The following GLS variants were observed in gnomAD, a reference collection of about 807,000 sequenced individuals.
GLS encodes glutaminase, also known as glutaminase kidney isoform, mitochondrial.
Under a neutral mutation model 86.7 loss-of-function variants are expected in GLS, and 36 were observed. The observed-to-expected ratio is 0.42, with a 90% CI of 0.32 to 0.55. GLS has a LOEUF of 0.55. Ranked by LOEUF, GLS falls within the 20% of genes least tolerant of loss-of-function variation. The pLI is 0.17. For synonymous variants in GLS, 317 were observed against 305.9 expected (o/e 1.04, Z -0.38); for missense variants, 528 against 833.4 (o/e 0.63, Z 4.51).
In GLS at chr2:190,965,533, T is replaced by C. The variant is rs185221390; in HGVS notation, c.*2547T>C. 6.6e-6 allele frequency: 1 copy of C among 152,380 alleles called. No homozygotes were observed. The highest frequency in any genetic ancestry group is 2.4e-5 in the African/African-American group (1 of 41,358). The allele number at this position is 152,380 out of a possible 1,614,324, so 9.4% of individuals were successfully genotyped here. A position where few individuals can be genotyped will look rare whatever the true frequency, so the allele number is the denominator to read the frequency against. ...GTGTTGCTTTTTACAGCATAATAAATATATGTATCAAAAAAAAAACTGTGT... is the reference window on the plus strand; with the variant it reads ...GTGTTGCTTTTTACAGCATAATAAACATATGTATCAAAAAAAAAACTGTGT... On this transcript the variant is annotated 3_prime_UTR_variant, in exon 18 of 18. Coordinates refer to ENST00000320717, the MANE Select transcript of GLS (RefSeq NM_014905.5). The surrounding 1 kb of genome is among the most constrained non-coding windows in gnomAD (Gnocchi z 5.0).
At position 190,965,379 on chromosome 2, in the gene GLS, T is replaced by G. The variant is rs543681256; in HGVS notation, c.*2393T>G. ...TGAATGACCTGATGTCAGATTTAGA[T>G]TCTTCCTGGGGATTACACAGCTATG... On this transcript the variant is annotated 3_prime_UTR_variant, in exon 18 of 18. Transcript: ENST00000320717. The surrounding 1 kb of genome is among the most constrained non-coding windows in gnomAD (Gnocchi z 5.0). 2 of 152,754 alleles carry G rather than the reference T, an allele frequency of 1.3e-5. No individual in the cohort carries two copies. The highest frequency in any genetic ancestry group is 1.5e-5 in the Non-Finnish European group (1 of 68,030). 9.5% of individuals were successfully genotyped at this position (152,754 alleles called of 1,614,324 possible). A position where few individuals can be genotyped will look rare whatever the true frequency, so the allele number is the denominator to read the frequency against.
intron 9 of GLS, 88 bp from the exon 10 acceptor site, chr2:190,923,829 T>C (rs2124900757): frequency 1.3e-6 from 1 of 798,900 alleles, no homozygotes; most frequent in Non-Finnish European, 2.2e-6. Flanking sequence ...GTGTTCTTTA[T>C]GCTGTACATT....
chr2:190,907,778 C>T (rs1689211717), intron 6 of GLS, among the ~76,000 whole-genome samples: 1 of 152,154 alleles, frequency 6.6e-6, no homozygotes, highest in South Asian at 2.1e-4. Flanking sequence ...CTGGAGGGTA[C>T]ATGGGCCTTG....
intron 14 of GLS, among the ~76,000 whole-genome samples, chr2:190,932,320 C>T (rs904237473): frequency 2.4e-4 from 37 of 151,840 alleles, no homozygotes; most frequent in African/African-American, 8.4e-4. Context: ...TTTCACTGTA[C>T]CAAGGGGCTT....
chr2:190,917,391 A>G (rs1314703714), intron 7 of GLS, among the ~76,000 whole-genome samples: 1 of 152,154 alleles, frequency 6.6e-6, no homozygotes, highest in African/African-American at 2.4e-5. Flanking sequence ...TTCTCTTGAT[A>G]TTTCCATCAC....
intron 1 of GLS, among the ~76,000 whole-genome samples, chr2:190,883,359 A>G (rs752306690): frequency 1.7e-4 from 26 of 152,054 alleles, no homozygotes; most frequent in Non-Finnish European, 2.9e-4. Flanking sequence ...CTCCCAGTTG[A>G]TCCTGTTATC....
rs555803521 is a variant in GLS at position 190,963,636 on chromosome 2, T to G, written c.*650T>G. On this transcript the variant is annotated 3_prime_UTR_variant, in exon 18 of 18. Transcript: ENST00000320717. ...TGTAGTTATAATGCTTTTGAAAAAT[T>G]TTCCTTTTTCTATATCCCCTTAGTC... 1.3e-5 allele frequency: 2 copies of G among 152,592 alleles called. No homozygotes were observed. Among genetic ancestry groups the G allele is most frequent in the Non-Finnish European group, 2.9e-5 (2 of 68,020 alleles). 9.5% of individuals were successfully genotyped at this position (152,592 alleles called of 1,614,324 possible). A position where few individuals can be genotyped will look rare whatever the true frequency, so the allele number is the denominator to read the frequency against.
intron 1 of GLS, among the ~76,000 whole-genome samples, chr2:190,890,781 TG>T (rs1267687229): frequency 6.6e-6 from 1 of 152,180 alleles, no homozygotes; most frequent in Non-Finnish European, 1.5e-5. Context: ...CCTTTTGTAT[TG>T]TGTTATTATT....
rs1173797070 is a variant in GLS at position 190,921,509 on chromosome 2, G to C, written c.1130+306G>C. On this transcript the variant is annotated intron_variant, in intron 9 of 17. Coordinates refer to ENST00000320717, the MANE Select transcript of GLS (RefSeq NM_014905.5). This position sits in a 1 kb window ranked among gnomAD's most constrained non-coding sequence, Gnocchi z 4.2. The stretch of plus-strand genomic sequence containing the variant: ...ACCCCAATTTTTTATTTTAAAATTT[G>C]TGAGTCTATAGAAAAGTTGAAAAAA... Among the ~76,000 whole-genome samples, 1 of 151,686 alleles carries C rather than the reference G, an allele frequency of 6.6e-6. No individual in the cohort carries two copies. The highest frequency in any genetic ancestry group is 1.5e-5 in the Non-Finnish European group (1 of 67,788).
intron 14 of GLS, among the ~76,000 whole-genome samples, chr2:190,941,655 T>C (rs1489646841): frequency 6.6e-6 from 1 of 152,088 alleles, no homozygotes; most frequent in Non-Finnish European, 1.5e-5. Context: ...AGAGGAAATA[T>C]GGAATAGTGT....
At chr2:190,888,494 A>G (rs1160786716) in intron 1 of GLS, among the ~76,000 whole-genome samples, 1 of 152,172 alleles carries the variant, frequency 6.6e-6, no homozygotes, top group Non-Finnish European at 1.5e-5. Flanking sequence ...GCTGTAAGAC[A>G]AGTGCTGGCA....
In GLS at chr2:190,930,084, TG is replaced by T. The variant is rs1488316042; in HGVS notation, c.1426-352del. 2.6e-5 allele frequency among the ~76,000 whole-genome samples: 4 copies of T among 151,684 alleles called. No individual in the cohort carries two copies. The highest frequency in any genetic ancestry group is 7.3e-5 in the African/African-American group (3 of 41,354). ...TTCCCAATTGTGTTTTTTTTTTTTT[TG>T]AAACTGGATCTTGCTCTGTCATCCA... On this transcript the variant is annotated intron_variant, in intron 12 of 17. Transcript: ENST00000320717. The surrounding 1 kb of genome is among the most constrained non-coding windows in gnomAD (Gnocchi z 5.0).
intron 1 of GLS, among the ~76,000 whole-genome samples, chr2:190,884,137 C>G (rs1189157453): frequency 1.3e-5 from 2 of 152,226 alleles, no homozygotes; most frequent in Admixed American, 6.5e-5. Flanking sequence ...AAATTGTTCT[C>G]TCTTCTTTCC....
chr2:190,912,877 A>G (rs916740860), intron 7 of GLS, among the ~76,000 whole-genome samples: 1 of 152,204 alleles, frequency 6.6e-6, no homozygotes, highest in Non-Finnish European at 1.5e-5. Context: ...CTCATTTGAT[A>G]GCAAGTGTTA....
At position 190,963,525 on chromosome 2, in the gene GLS, A is replaced by G. The variant is rs1691052168; in HGVS notation, c.*539A>G. ...TCTTAAAAAACTATAATAGTTAACA[A>G]CTGTTAGTAAGATAGACCAATTCTG... is the stretch of plus-strand genomic sequence containing the variant. On this transcript the variant is annotated 3_prime_UTR_variant, in exon 18 of 18. Transcript: ENST00000320717. The G allele has an allele frequency of 6.5e-6, 1 of 152,900 alleles. No homozygotes were observed. 9.5% of individuals were successfully genotyped at this position (152,900 alleles called of 1,614,324 possible).
intron 1 of GLS, among the ~76,000 whole-genome samples, chr2:190,886,733 T>C (rs1018324697): frequency 1.3e-5 from 2 of 152,028 alleles, no homozygotes; most frequent in Non-Finnish European, 2.9e-5. Context: ...CTGGCCAACA[T>C]GGTGAAACAC....
Position 190,953,526 on chromosome 2 carries a change from C to G in GLS, c.1651-39C>G, listed in dbSNP as rs1296974001. On this transcript the variant is annotated intron_variant, in intron 14 of 17. Coordinates refer to ENST00000320717, the MANE Select transcript of GLS (RefSeq NM_014905.5). This position sits in a 1 kb window ranked among gnomAD's most constrained non-coding sequence, Gnocchi z 4.0. ...GACAGGTGGACGTTGTATGTGTTTT[C>G]TCTCTCCTAAGGATGCCTAAACTTT... is the stretch of plus-strand genomic sequence containing the variant. The G allele has an allele frequency of 1.4e-6, 2 of 1,400,784 alleles. No individual in the cohort carries two copies. Among genetic ancestry groups the G allele is most frequent in the Admixed American group, 1.7e-5 (1 of 59,510 alleles). The allele number at this position is 1,400,784 out of a possible 1,614,324, so 86.8% of individuals were successfully genotyped here.
intron 1 of GLS, among the ~76,000 whole-genome samples, chr2:190,890,884 GA>G (rs966042305): frequency 2.4e-4 from 36 of 151,452 alleles, no homozygotes; most frequent in African/African-American, 8.2e-4. Flanking sequence ...AGAGTTATGC[GA>G]AAAAAAAAAT....
chr2:190,881,701 G>GAGAA, intron 1 of GLS: 1 of 467,116 alleles, frequency 2.1e-6, no homozygotes, highest in Non-Finnish European at 3.8e-6. Context: ...GCCCCCGGCG[G>GAGAA]GGGTCGCCCT....
Sources: gnomAD v4.1 joint callset for allele counts (sites outside exome capture counted in the v4.1 genomes callset) on GRCh38, gnomAD v4.1.1 for gene constraint, Gnocchi (gnomAD v3.1) non-coding constraint, MANE v1.5 for transcripts, NCBI Gene and HGNC (gene_info 2026-07-23, HGNC 2026-07-21) for gene names.